The following LNPK variants were observed in gnomAD, a reference collection of about 807,000 sequenced individuals.
LNPK encodes lunapark, ER junction formation factor.
LNPK carries 29 observed loss-of-function variants against 55.2 expected under a neutral mutation model. The observed-to-expected ratio is 0.53, with a 90% CI of 0.39 to 0.72. The LOEUF (loss-of-function observed/expected upper bound fraction) is 0.72. Among genes scored for constraint, LNPK ranks in the 30% least tolerant of loss-of-function variants. The pLI is 0.00. For synonymous variants in LNPK, 162 were observed against 168.2 expected, an observed-to-expected ratio of 0.96 and a Z score of 0.29; for missense variants, 467 against 494.8, an observed-to-expected ratio of 0.94 and a Z score of 0.53.
At chr2:175,981,082 G>A (rs897504675) in intron 4 of LNPK, among the ~76,000 whole-genome samples, 3 of 152,132 alleles carry the variant, frequency 2.0e-5, no homozygotes, top group Admixed American at 2.0e-4. Flanking sequence ...GAGTTAACCT[G>A]CAAGTAGTCA....
intron 4 of LNPK, among the ~76,000 whole-genome samples, chr2:175,990,048 AAAC>A (rs1357116082): frequency 6.6e-6 from 1 of 152,208 alleles, no homozygotes; most frequent in African/African-American, 2.4e-5. Context: ...GTGTTGAGCA[AAAC>A]AACATACTTT....
upstream of LNPK, chr2:176,002,275 G>T (rs975743764): frequency 2.2e-6 from 1 of 445,836 alleles, no homozygotes; most frequent in Non-Finnish European, 4.5e-6. Context: ...GACAAGCCGG[G>T]CCAACTCCTT....
chr2:175,951,607 A>ATATCTATC lies in LNPK; in HGVS notation c.494-3916_494-3915insGATAGATA, dbSNP rs1553501590. On this transcript the variant is annotated intron_variant, in intron 8 of 12. Coordinates refer to ENST00000272748, the MANE Select transcript of LNPK (RefSeq NM_030650.3). ...TTCATATATATATATATATATATAT[A>ATATCTATC]TATCTCAGTTTCTTTATCCACTCAT... Among the ~76,000 whole-genome samples, 65 of 121,538 alleles carry ATATCTATC rather than the reference A, an allele frequency of 5.3e-4. 1 individual carries two copies. The highest frequency in any genetic ancestry group is 8.5e-4 in the Non-Finnish European group (45 of 52,918). 79.7% of individuals were successfully genotyped at this position (121,538 alleles called of 152,430 possible).
chr2:175,984,321 G>C (rs1356211326), intron 4 of LNPK, among the ~76,000 whole-genome samples: 1 of 151,986 alleles, frequency 6.6e-6, no homozygotes, highest in Non-Finnish European at 1.5e-5. Context: ...TGGGATTACA[G>C]GCACGCGTCA....
intron 8 of LNPK, among the ~76,000 whole-genome samples, chr2:175,960,001 A>G (rs771220592): frequency 6.6e-6 from 1 of 152,228 alleles, no homozygotes; most frequent in Non-Finnish European, 1.5e-5. Context: ...CAATTCAACA[A>G]GAAGAGCTAA....
At chr2:175,981,456 C>A (rs936606464) in intron 4 of LNPK, among the ~76,000 whole-genome samples, 1 of 152,110 alleles carries the variant, frequency 6.6e-6, no homozygotes, top group African/African-American at 2.4e-5. Flanking sequence ...TAGGATCACA[C>A]CAGATATCTT....
Position 175,970,749 on chromosome 2 carries a change from T to C in LNPK, c.357+15A>G. On this transcript the variant is annotated intron_variant, in intron 6 of 12. Transcript: ENST00000272748. ...TAGTTTAATATAAATTAATTTTAAA[T>C]AAAAGTTAACTTACTATTTTTTTCC... 2.4e-6 allele frequency: 3 copies of C among 1,267,412 alleles called. No homozygotes were observed. In the South Asian group the frequency reaches 5.0e-5, roughly 21 times the overall value. The allele number at this position is 1,267,412 out of a possible 1,614,324, so 78.5% of individuals were successfully genotyped here.
rs752749271 is a variant in LNPK, at chr2:175,964,593, C to A, written c.358-4G>T. On this transcript the variant is annotated splice_polypyrimidine_tract_variant and splice_region_variant and intron_variant, in intron 6 of 12. Coordinates refer to ENST00000272748, the MANE Select transcript of LNPK (RefSeq NM_030650.3). ...CTTTTTCCATGACTTCTTCAAGCTACGAACAAAAATTTCCATAAATTGTCA... is the reference window on the plus strand; with the variant it reads ...CTTTTTCCATGACTTCTTCAAGCTAAGAACAAAAATTTCCATAAATTGTCA... 6.4e-7 allele frequency: 1 copy of A among 1,563,242 alleles called. No homozygotes were observed.
intron 1 of LNPK, among the ~76,000 whole-genome samples, chr2:175,997,370 T>C (rs1409672978): frequency 6.6e-6 from 1 of 152,206 alleles, no homozygotes; most frequent in Non-Finnish European, 1.5e-5. Context: ...ATCTGAATTA[T>C]GACAGTAAGT....
intron 1 of LNPK, among the ~76,000 whole-genome samples, 186 bp downstream of exon 1, chr2:176,001,974 C>A (rs1458149577): frequency 6.6e-6 from 1 of 152,204 alleles, no homozygotes; most frequent in East Asian, 1.9e-4. Context: ...GGCGGCGAGC[C>A]TGGGTCTGCG....
chr2:175,992,047 G>C (rs1687725101), intron 4 of LNPK, among the ~76,000 whole-genome samples, 184 bp downstream of exon 4: 1 of 151,828 alleles, frequency 6.6e-6, no homozygotes, highest in African/African-American at 2.4e-5. Flanking sequence ...CAGGTATATT[G>C]GATTACAAAT....
intron 8 of LNPK, among the ~76,000 whole-genome samples, chr2:175,963,326 C>T (rs1309078336): frequency 1.3e-5 from 2 of 152,130 alleles, no homozygotes; most frequent in African/African-American, 2.4e-5. Context: ...CAATGATTGA[C>T]TGGATTAAGA....
chr2:175,971,305 G>GA (rs1408403604), intron 5 of LNPK, among the ~76,000 whole-genome samples: 2 of 151,942 alleles, frequency 1.3e-5, no homozygotes, highest in Admixed American at 1.3e-4. Flanking sequence ...AAGGGACATG[G>GA]AAAAAAATAC....
At chr2:175,939,146 T>C (rs1046836176) in intron 10 of LNPK, among the ~76,000 whole-genome samples, 6 of 152,132 alleles carry the variant, frequency 3.9e-5, no homozygotes, top group South Asian at 2.1e-4. Flanking sequence ...TTAAGAATAA[T>C]TGGAAAAGCA....
intron 1 of LNPK, among the ~76,000 whole-genome samples, chr2:175,996,021 C>T (rs1687916909): frequency 6.6e-6 from 1 of 151,802 alleles, no homozygotes; most frequent in African/African-American, 2.4e-5. Context: ...CTATGTTGGC[C>T]AGGCTGGTCT....
chr2:175,931,072 G>A (rs911002586), intron 12 of LNPK, among the ~76,000 whole-genome samples: 10 of 152,014 alleles, frequency 6.6e-5, no homozygotes, highest in Admixed American at 3.9e-4. Flanking sequence ...GACAACCTTT[G>A]GGCCACCCAA....
chr2:175,980,843 G>A (rs1332930087), intron 4 of LNPK, among the ~76,000 whole-genome samples: 1 of 149,986 alleles, frequency 6.7e-6, no homozygotes, highest in Non-Finnish European at 1.5e-5. Flanking sequence ...GGAGGCAGAG[G>A]TTGCAGTGAG....
intron 9 of LNPK, among the ~76,000 whole-genome samples, chr2:175,947,056 C>T (rs1384258490): frequency 6.6e-6 from 1 of 151,302 alleles, no homozygotes; most frequent in Non-Finnish European, 1.5e-5. Context: ...GTATACAATA[C>T]AGGAGTATTA....
chr2:175,963,725 A>G (rs1178187580), intron 8 of LNPK, among the ~76,000 whole-genome samples: 4 of 152,028 alleles, frequency 2.6e-5, no homozygotes, highest in South Asian at 2.1e-4. Context: ...TTAATTAAAA[A>G]AAAAGAAAAG....
Sources: gnomAD v4.1 joint callset for allele counts (sites outside exome capture counted in the v4.1 genomes callset) on GRCh38, gnomAD v4.1.1 for gene constraint, MANE v1.5 for transcripts, NCBI Gene and HGNC (gene_info 2026-07-23, HGNC 2026-07-21) for gene names.